Variants in PGRMC1 observed in about 807,000 individuals in gnomAD.
PGRMC1 encodes membrane-associated progesterone receptor component 1.
For synonymous variants in PGRMC1, 73 were observed against 77.3 expected (o/e 0.94, Z 0.29); for missense variants, 145 against 169.0 (o/e 0.86, Z 0.79).
intron 2 of PGRMC1, among the ~76,000 whole-genome samples, chrX:119,242,591 C>T (rs772062064): frequency 9.0e-6 from 1 of 111,230 alleles, no homozygotes; most frequent in South Asian, 3.8e-4. Flanking sequence ...CCTTTGCCAC[C>T]TATAAGTCCA....
rs753116980 is a variant in PGRMC1, at chrX:119,236,636, G to T, written c.273G>T (p.Met91Ile). The T allele has an allele frequency of 8.3e-7, 1 of 1,206,651 alleles. No individual in the cohort carries two copies. The highest frequency in any genetic ancestry group is 1.1e-6 in the Non-Finnish European group (1 of 893,160). Residue 91 changes from methionine to isoleucine, a missense_variant, in exon 1 of 3, where the codon ATG becomes ATT. By Grantham distance (10) the Met-to-Ile change is conservative (BLOSUM62 1). Transcript: ENST00000217971. ...FDGVQDPRIL[M>I]AINGKVFDVT... ...GCGTCCAGGACCCGCGCATACTCAT[G>T]GCCATCAACGGCAAGGTGTTCGATG... is the stretch of plus-strand genomic sequence containing the variant.
intron 2 of PGRMC1, among the ~76,000 whole-genome samples, chrX:119,242,006 T>A (rs1930827907): frequency 8.9e-6 from 1 of 111,870 alleles, no homozygotes; most frequent in South Asian, 3.8e-4. Flanking sequence ...GGTTTTTCTC[T>A]GTGCTGGGAA....
At position 119,236,462 on chromosome X, in the gene PGRMC1, G is replaced by C. The variant is rs769442243; in HGVS notation, c.99G>C (p.Leu33=). The C allele has an allele frequency of 7.4e-6, 9 of 1,209,060 alleles. No homozygotes were observed. The highest frequency in any genetic ancestry group is 1.0e-5 in the Non-Finnish European group (9 of 894,412). ...TTTTCACGTCGCCGCTCAACCTGCT[G>C]CTGCTTGGCCTCTGCATCTTCCTGC... ...HEIFTSPLNL[L]LLGLCIFLLY... The change falls in exon 1 of 3, where the codon CTG becomes CTC. Residue 33 remains leucine (L), a synonymous_variant. Transcript: ENST00000217971.
At chrX:119,242,083 A>G (rs1474083784) in intron 2 of PGRMC1, among the ~76,000 whole-genome samples, 2 of 111,762 alleles carry the variant, frequency 1.8e-5, no homozygotes, top group Non-Finnish European at 3.8e-5. Flanking sequence ...ACTGTCAAAC[A>G]AACTTCTTAC....
At position 119,236,310 on chromosome X, in the gene PGRMC1, A is replaced by G; in HGVS notation, c.-54A>G. On this transcript the variant is annotated 5_prime_UTR_variant, in exon 1 of 3. Coordinates refer to ENST00000217971, the MANE Select transcript of PGRMC1 (RefSeq NM_006667.5). Reference sequence around the variant, plus strand: ...ACTCGCTCGCTCAGAGGGAGGAGAAAGTGGCGAGTTCCGGATCCCTGCCTA... The same window carrying G: ...ACTCGCTCGCTCAGAGGGAGGAGAAGGTGGCGAGTTCCGGATCCCTGCCTA... 2 of 1,085,222 alleles carry G rather than the reference A, an allele frequency of 1.8e-6. No homozygotes were observed. Among genetic ancestry groups the G allele is most frequent in the Non-Finnish European group, 2.5e-6 (2 of 788,039 alleles). 89.4% of individuals were successfully genotyped at this position (1,085,222 alleles called of 1,213,427 possible).
intron 1 of PGRMC1, among the ~76,000 whole-genome samples, chrX:119,239,943 G>A (rs1350258253): frequency 8.9e-6 from 1 of 111,924 alleles, no homozygotes; most frequent in Admixed American, 9.4e-5. Context: ...TCTCACTGGT[G>A]TAGCCCCAAG....
intron 1 of PGRMC1, 146 bp downstream of exon 1, chrX:119,236,837 C>CCT: frequency 2.0e-6 from 1 of 512,426 alleles, no homozygotes; most frequent in Non-Finnish European, 3.1e-6. Context: ...GGCGGGCAGG[C>CCT]GGAGAGCCGG....
chrX:119,241,877 G>A (rs905540086), intron 2 of PGRMC1, among the ~76,000 whole-genome samples: 2 of 112,047 alleles, frequency 1.8e-5, no homozygotes, highest in Non-Finnish European at 3.8e-5. Context: ...TGATGAGGTG[G>A]TTTGCTGATG....
At position 119,243,692 on chromosome X, in the gene PGRMC1, T is replaced by C. The variant is rs1353628365; in HGVS notation, c.*438T>C. 1 of 171,287 alleles carries C rather than the reference T, an allele frequency of 5.8e-6. No homozygotes were observed. Among genetic ancestry groups the C allele is most frequent in the African/African-American group, 3.1e-5 (1 of 32,100 alleles). The allele number at this position is 171,287 out of a possible 1,213,427, so 14.1% of individuals were successfully genotyped here. On this transcript the variant is annotated 3_prime_UTR_variant, in exon 3 of 3. Coordinates refer to ENST00000217971, the MANE Select transcript of PGRMC1 (RefSeq NM_006667.5). ...TTGACTTAACTGCATGATTTCTGTT[T>C]TATCTACCTCTAAAGCAAATCTGCA...
At chrX:119,241,481 C>G (rs919375699) in intron 2 of PGRMC1, among the ~76,000 whole-genome samples, 1 of 112,070 alleles carries the variant, frequency 8.9e-6, no homozygotes, top group Non-Finnish European at 1.9e-5. Flanking sequence ...CATAAGGATG[C>G]CTTTGTAATT....
chrX:119,243,028 C>T (rs1930855293), intron 2 of PGRMC1, 123 bp from the exon 3 acceptor site: 2 of 534,605 alleles, frequency 3.7e-6, no homozygotes. Context: ...TTGTATCCTT[C>T]AAGAAGCCCA....
rs1930894307 is a variant in PGRMC1 at position 119,244,318 on chromosome X, G to A, written c.*1064G>A. ...TATACAGTTGTATGAATTTGTAAAA[G>A]TATATGAACACCTAGTGAGATTTCA... On this transcript the variant is annotated 3_prime_UTR_variant, in exon 3 of 3. Transcript: ENST00000217971. 2 of 112,459 alleles carry A rather than the reference G, an allele frequency of 1.8e-5. No homozygotes were observed. The highest frequency in any genetic ancestry group is 7.4e-4 in the South Asian group (2 of 2,719). 9.3% of individuals were successfully genotyped at this position (112,459 alleles called of 1,213,427 possible). A position where few individuals can be genotyped will look rare whatever the true frequency, so the allele number is the denominator to read the frequency against.
chrX:119,236,477 C>T lies in PGRMC1; in HGVS notation c.114C>T (p.Cys38=). The part of the protein sequence containing the change: ...SPLNLLLLGL[C]IFLLYKIVRG... ...TCAACCTGCTGCTGCTTGGCCTCTG[C>T]ATCTTCCTGCTCTACAAGATCGTGC... Residue 38 remains cysteine, a synonymous_variant, in exon 1 of 3, where the codon TGC becomes TGT. Coordinates refer to ENST00000217971, the MANE Select transcript of PGRMC1 (RefSeq NM_006667.5). The T allele has an allele frequency of 8.3e-7, 1 of 1,210,611 alleles. No homozygotes were observed.
intron 1 of PGRMC1, among the ~76,000 whole-genome samples, chrX:119,237,825 C>G (rs1046518438): frequency 1.8e-5 from 2 of 110,642 alleles, no homozygotes; most frequent in Non-Finnish European, 3.8e-5. Flanking sequence ...TCAGAATCAC[C>G]TGATGCATCT....
intron 2 of PGRMC1, 74 bp downstream of exon 2, chrX:119,240,538 T>C: frequency 1.1e-6 from 1 of 886,307 alleles, no homozygotes. Flanking sequence ...CAATAGTTAT[T>C]ACTAAGCAGC....
rs1930866712 is a variant in PGRMC1, at chrX:119,243,424, A to G, written c.*170A>G. 2.1e-6 allele frequency: 1 copy of G among 465,328 alleles called. No homozygotes were observed. The highest frequency in any genetic ancestry group is 3.9e-6 in the Non-Finnish European group (1 of 259,702). The allele number at this position is 465,328 out of a possible 1,213,427, so 38.3% of individuals were successfully genotyped here. On this transcript the variant is annotated 3_prime_UTR_variant, in exon 3 of 3. Transcript: ENST00000217971. ...TAATAAAATTAACTTCTTAGAATGCATGATGTGTTTGTGTGTCACAAATCC... is the reference window on the plus strand; with the variant it reads ...TAATAAAATTAACTTCTTAGAATGCGTGATGTGTTTGTGTGTCACAAATCC...
Position 119,243,365 on chromosome X carries a change from C to T in PGRMC1, c.*111C>T. On this transcript the variant is annotated 3_prime_UTR_variant, in exon 3 of 3. Coordinates refer to ENST00000217971, the MANE Select transcript of PGRMC1 (RefSeq NM_006667.5). Reference sequence around the variant, plus strand: ...ATATTTAGAAAGTTTTGAGCACTTGCTATAAGTTTTTTAATTAACATCACT... The same window carrying T: ...ATATTTAGAAAGTTTTGAGCACTTGTTATAAGTTTTTTAATTAACATCACT... 5.7e-6 allele frequency: 3 copies of T among 527,090 alleles called. No individual in the cohort carries two copies. The highest frequency in any genetic ancestry group is 1.0e-5 in the Non-Finnish European group (3 of 294,966). 43.4% of individuals were successfully genotyped at this position (527,090 alleles called of 1,213,427 possible). A position where few individuals can be genotyped will look rare whatever the true frequency, so the allele number is the denominator to read the frequency against.
intron 1 of PGRMC1, among the ~76,000 whole-genome samples, chrX:119,236,962 G>A (rs1224625596): frequency 1.8e-5 from 2 of 112,176 alleles, no homozygotes; most frequent in East Asian, 2.9e-4. Flanking sequence ...GAGAAAGAAG[G>A]CTGAGGCGCT....
At chrX:119,237,686 T>TG (rs1398053105) in intron 1 of PGRMC1, among the ~76,000 whole-genome samples, 3 of 109,695 alleles carry the variant, frequency 2.7e-5, no homozygotes, top group South Asian at 4.0e-4. Context: ...GACTGCTGGG[T>TG]GGGGGGATAT....
Sources: gnomAD v4.1 joint callset for allele counts (sites outside exome capture counted in the v4.1 genomes callset) on GRCh38, gnomAD v4.1.1 for gene constraint, MANE v1.5 for transcripts, NCBI Gene and HGNC (gene_info 2026-07-23, HGNC 2026-07-21) for gene names.